The following NETO2 variants were observed in gnomAD, a reference collection of about 807,000 sequenced individuals.
NETO2 encodes the protein neuropilin and tolloid like 2, also known as neuropilin and tolloid-like protein 2.
A neutral mutation model predicts 62.5 loss-of-function variants in NETO2; 28 were observed. The observed-to-expected ratio is 0.45, with a 90% confidence interval of 0.33 to 0.61. The LOEUF is 0.61. Among genes scored for constraint, NETO2 ranks in the 20% least tolerant of loss-of-function variants. The pLI is 0.02. For missense variants in NETO2, 548 were observed against 643.2 expected, an observed-to-expected ratio of 0.85 and a Z score of 1.60; for synonymous variants, 214 against 219.1, an observed-to-expected ratio of 0.98 and a Z score of 0.21.
At chr16:47,104,442 A>G (rs1468409949) in intron 7 of NETO2, among the ~76,000 whole-genome samples, 1 of 152,256 alleles carries the variant, frequency 6.6e-6, no homozygotes. Flanking sequence ...TACAGTTAAG[A>G]TGACAATATT....
At chr16:47,114,975 C>G (rs1414561001) in intron 6 of NETO2, among the ~76,000 whole-genome samples, 2 of 151,846 alleles carry the variant, frequency 1.3e-5, no homozygotes, top group South Asian at 2.1e-4. Context: ...TATGGAGGTT[C>G]AATTGTTCCA....
intron 7 of NETO2, among the ~76,000 whole-genome samples, chr16:47,099,384 T>C (rs547689343): frequency 2.0e-5 from 3 of 152,268 alleles, no homozygotes; most frequent in African/African-American, 7.2e-5. Flanking sequence ...CCATTGACAC[T>C]ATGAAGAAAC....
rs1336599377 is a variant in NETO2 at position 47,143,558 on chromosome 16, G to A, written c.34+21C>T. 1.6e-5 allele frequency: 19 copies of A among 1,223,646 alleles called. 1 individual carries two copies. The Admixed American group carries it at 2.2e-4, about 14-fold the overall frequency. The allele number at this position is 1,223,646 out of a possible 1,614,324, so 75.8% of individuals were successfully genotyped here. A position where few individuals can be genotyped will look rare whatever the true frequency, so the allele number is the denominator to read the frequency against. On this transcript the variant is annotated intron_variant, in intron 1 of 8. Transcript: ENST00000562435. ...TCGGCCCGCAGGGGGCGCCGTCCGT[G>A]GCCCCAGCCCCGGTCCTTACCTTTG... is the stretch of plus-strand genomic sequence containing the variant.
intron 1 of NETO2, among the ~76,000 whole-genome samples, chr16:47,143,324 C>G (rs1262492682): frequency 6.6e-6 from 1 of 152,010 alleles, no homozygotes; most frequent in African/African-American, 2.4e-5. Context: ...GCCTTCCCGA[C>G]CCGATCCCTC....
At chr16:47,089,803 C>A (rs1300435679) in intron 7 of NETO2, among the ~76,000 whole-genome samples, 2 of 152,018 alleles carry the variant, frequency 1.3e-5, no homozygotes, top group African/African-American at 4.8e-5. Context: ...AATGGGGGCA[C>A]CGAAAAATAC....
rs780676177 is a variant in NETO2, at chr16:47,129,293, C to T, written c.163G>A (p.Gly55Ser). Residue 55 changes from glycine (G) to serine (S), a missense_variant, in exon 3 of 9, where the codon GGT becomes AGT. Coordinates refer to ENST00000562435, the MANE Select transcript of NETO2 (RefSeq NM_018092.5). Reference protein sequence around the residue: ...CGIWVRTSNGGHFASPNYPDS... With the variant: ...CGIWVRTSNGSHFASPNYPDS... ...GGATAATTTGGCGAAGCAAAATGAC[C>T]TCCATTGCTGGTTCGAACCCAAATG... 1.2e-6 allele frequency: 2 copies of T among 1,613,868 alleles called. No homozygotes were observed. The highest frequency in any genetic ancestry group is 1.7e-6 in the Non-Finnish European group (2 of 1,179,882).
intron 1 of NETO2, among the ~76,000 whole-genome samples, chr16:47,132,964 G>T (rs1427126135): frequency 6.6e-6 from 1 of 152,120 alleles, no homozygotes; most frequent in Non-Finnish European, 1.5e-5. Context: ...GTATAAATAG[G>T]TCAACCTCAT....
chr16:47,126,510 T>C (rs917048969), intron 4 of NETO2, among the ~76,000 whole-genome samples: 6 of 152,150 alleles, frequency 3.9e-5, no homozygotes, highest in South Asian at 2.1e-4. Flanking sequence ...GGGGCACTGT[T>C]AGAGCAGTGG....
chr16:47,084,292 T>A (rs1425072851), intron 8 of NETO2, among the ~76,000 whole-genome samples: 1 of 152,134 alleles, frequency 6.6e-6, no homozygotes, highest in Non-Finnish European at 1.5e-5. Context: ...TCATGTCGAG[T>A]ATTTACGACA....
At chr16:47,097,119 C>G (rs1410392618) in intron 7 of NETO2, among the ~76,000 whole-genome samples, 8 of 152,222 alleles carry the variant, frequency 5.3e-5, no homozygotes, top group Non-Finnish European at 1.2e-4. Flanking sequence ...ACCGAGCTAC[C>G]TGCAGAAGTT....
chr16:47,142,886 G>T (rs1964488440), intron 1 of NETO2, among the ~76,000 whole-genome samples: 2 of 152,302 alleles, frequency 1.3e-5, no homozygotes, highest in Middle Eastern at 6.8e-3. Context: ...CCGAACACCA[G>T]CGGCGGGGAA....
intron 8 of NETO2, 42 bp from the exon 9 acceptor site, chr16:47,083,843 T>C (rs762920058): frequency 4.3e-6 from 6 of 1,408,336 alleles, no homozygotes; most frequent in Non-Finnish European, 5.8e-6. Context: ...TCAAAATACA[T>C]TAATATGAAT....
chr16:47,080,526 A>C lies in NETO2; in HGVS notation c.*2695T>G, dbSNP rs930728382. ...AAGATTAAAGGCTGTATATACAGCA[A>C]TTAGCATTATTCTGGCAATAATGCC... On this transcript the variant is annotated 3_prime_UTR_variant, in exon 9 of 9. Coordinates refer to ENST00000562435, the MANE Select transcript of NETO2 (RefSeq NM_018092.5). 3 of 152,238 alleles carry C rather than the reference A, an allele frequency of 2.0e-5. No homozygotes were observed. Among genetic ancestry groups the C allele is most frequent in the African/African-American group, 7.2e-5 (3 of 41,460 alleles). The allele number at this position is 152,238 out of a possible 1,614,324, so 9.4% of individuals were successfully genotyped here. A position where few individuals can be genotyped will look rare whatever the true frequency, so the allele number is the denominator to read the frequency against.
chr16:47,111,021 AAT>A (rs373451641), intron 6 of NETO2, among the ~76,000 whole-genome samples: 79 of 152,338 alleles, frequency 5.2e-4, no homozygotes, highest in Middle Eastern at 6.8e-3. Context: ...ACAAAGAAGC[AAT>A]ATGTTTTCTT....
chr16:47,099,077 C>A (rs1963490394), intron 7 of NETO2, among the ~76,000 whole-genome samples: 1 of 152,124 alleles, frequency 6.6e-6, no homozygotes, highest in South Asian at 2.1e-4. Flanking sequence ...CCAGGCTGGT[C>A]TTGAACTCCT....
chr16:47,083,633 A>G lies in NETO2; in HGVS notation c.1166T>C (p.Phe389Ser). Residue 389 changes from phenylalanine to serine, a missense_variant, in exon 9 of 9, where the codon TTC becomes TCC. Physicochemically the swap from Phe to Ser is radical, Grantham distance 155. Transcript: ENST00000562435. ...ACKTAFNKTG[F>S]QEVFDPPHYE... is the part of the protein sequence containing the mutation. ...ATGAGGAGGATCAAACACTTCTTGG[A>G]ACCCGGTTTTATTAAAAGCGGTTTT... is the stretch of plus-strand genomic sequence containing the variant. The G allele has an allele frequency of 6.2e-7, 1 of 1,614,208 alleles. No homozygotes were observed.
chr16:47,101,265 G>A (rs1281258376), intron 7 of NETO2, among the ~76,000 whole-genome samples: 1 of 152,096 alleles, frequency 6.6e-6, no homozygotes, highest in Admixed American at 6.5e-5. Context: ...CAATAAACCA[G>A]GTATTGATGG....
chr16:47,126,041 A>C (rs1964151353), intron 4 of NETO2, among the ~76,000 whole-genome samples: 1 of 152,118 alleles, frequency 6.6e-6, no homozygotes, highest in African/African-American at 2.4e-5. Flanking sequence ...GTTTCTATGA[A>C]TGTTACTACT....
chr16:47,114,886 A>C (rs1467215317), intron 6 of NETO2, among the ~76,000 whole-genome samples: 1 of 152,022 alleles, frequency 6.6e-6, no homozygotes, highest in African/African-American at 2.4e-5. Flanking sequence ...TTTTGAGTTA[A>C]TTTTTAAATA....
Sources: gnomAD v4.1 joint callset for allele counts (sites outside exome capture counted in the v4.1 genomes callset) on GRCh38, gnomAD v4.1.1 for gene constraint, MANE v1.5 for transcripts, NCBI Gene and HGNC (gene_info 2026-07-23, HGNC 2026-07-21) for gene names.